The following NLRX1 variants were observed in gnomAD, a reference collection of about 807,000 sequenced individuals.
NLRX1 encodes the protein NLR family member X1.
A neutral mutation model predicts 74.2 loss-of-function variants in NLRX1; 67 were observed. The observed-to-expected ratio is 0.90, with a 90% CI of 0.74 to 1.11. The LOEUF (loss-of-function observed/expected upper bound fraction) is 1.11, where lower values mean the gene tolerates loss of function less well. Among genes scored for constraint, NLRX1 ranks in the 50% least tolerant of loss-of-function variants. The pLI, the probability that NLRX1 is intolerant of heterozygous loss-of-function variation, is 0.00. For synonymous variants in NLRX1, 506 were observed against 559.1 expected (o/e 0.91, Z 1.34); for missense variants, 1,191 against 1,305.4 (o/e 0.91, Z 1.35).
intron 5 of NLRX1, 151 bp from the exon 6 acceptor site, chr11:119,174,302 T>C: frequency 9.9e-7 from 1 of 1,009,536 alleles, no homozygotes; most frequent in Non-Finnish European, 1.5e-6. Flanking sequence ...GCGGCCTGGA[T>C]CACAGCAGGT....
Position 119,183,225 on chromosome 11 carries a change from C to T in NLRX1, c.2714C>T (p.Ala905Val), listed in dbSNP as rs773786135. The change falls in exon 10 of 10, where the codon GCG becomes GTG. Residue 905 changes from alanine (A) to valine (V), a missense_variant. Physicochemically the swap from Ala to Val is moderately conservative, Grantham distance 64. Coordinates refer to ENST00000409109, the MANE Select transcript of NLRX1 (RefSeq NM_001282144.2). This position sits in a 1 kb window ranked among gnomAD's most constrained non-coding sequence, Gnocchi z 5.7. Reference sequence around the variant, plus strand: ...GTGGTGTCACTGACAGAGGGGACGGCGGTGTCAGAATACTGGTCAGTGATC... The same window carrying T: ...GTGGTGTCACTGACAGAGGGGACGGTGGTGTCAGAATACTGGTCAGTGATC... ...RVVVSLTEGT[A>V]VSEYWSVILS... 22 of 1,614,076 alleles carry T rather than the reference C, an allele frequency of 1.4e-5. 1 individual carries two copies. In the Middle Eastern group the frequency reaches 4.9e-4, roughly 36 times the overall value.
intron 7 of NLRX1, among the ~76,000 whole-genome samples, chr11:119,180,782 T>C (rs1028889452): frequency 1.3e-5 from 2 of 151,754 alleles, no homozygotes; most frequent in Non-Finnish European, 2.9e-5. Flanking sequence ...GGCTCCTGCC[T>C]GTAATCCCAC....
At position 119,175,127 on chromosome 11, in the gene NLRX1, G is replaced by T; in HGVS notation, c.1524G>T (p.Leu508=). Residue 508 remains leucine (L), a synonymous_variant, in exon 6 of 10, where the codon CTG becomes CTT. Transcript: ENST00000409109. ...ACCTGGCTGCCCTCTACATTGTGCT[G>T]GGTTTGCGCAAGACGACCCTGCAAA... ...QEYLAALYIV[L]GLRKTTLQKV... 6.2e-7 allele frequency: 1 copy of T among 1,614,214 alleles called. No individual in the cohort carries two copies. Among genetic ancestry groups the T allele is most frequent in the Non-Finnish European group, 8.5e-7 (1 of 1,180,044 alleles).
Position 119,173,772 on chromosome 11 carries a change from C to T in NLRX1, c.523C>T (p.Leu175=), listed in dbSNP as rs765019839. The change falls in exon 5 of 10, where the codon CTG becomes TTG. Residue 175 remains leucine, a synonymous_variant. Transcript: ENST00000409109. This position sits in a 1 kb window ranked among gnomAD's most constrained non-coding sequence, Gnocchi z 4.0. ...YGTVGTGKST[L]VRKMVLDWCY... is the part of the protein sequence containing the mutation. The stretch of plus-strand genomic sequence containing the variant: ...GACAGTGGGCACAGGCAAGAGCACG[C>T]TGGTGCGCAAGATGGTTCTGGACTG... 3 of 1,613,654 alleles carry T rather than the reference C, an allele frequency of 1.9e-6. No individual in the cohort carries two copies. The highest frequency in any genetic ancestry group is 3.3e-5 in the Admixed American group (2 of 60,028).
In NLRX1 at chr11:119,173,691, C is replaced by T; in HGVS notation, c.442C>T (p.Gln148Ter). ...QAGLPPLALS[Q>*]LFNPDACGRR... ...CGGGCTCCCCCCACTGGCCTTGTCT[C>T]AGCTCTTTAACCCGGATGCCTGTGG... is the stretch of plus-strand genomic sequence containing the variant. The change falls in exon 5 of 10, where the codon CAG (glutamine) becomes TAG (stop). Residue 148 changes from glutamine (Q) to a stop codon, truncating the protein, a stop_gained. Coordinates refer to ENST00000409109, the MANE Select transcript of NLRX1 (RefSeq NM_001282144.2). LOFTEE classifies it high-confidence loss of function. The surrounding 1 kb of genome is among the most constrained non-coding windows in gnomAD (Gnocchi z 4.0). 1 of 1,614,106 alleles carries T rather than the reference C, an allele frequency of 6.2e-7. No individual in the cohort carries two copies. Among genetic ancestry groups the T allele is most frequent in the Non-Finnish European group, 8.5e-7 (1 of 1,180,020 alleles).
chr11:119,180,256 C>A lies in NLRX1; in HGVS notation c.2235C>A (p.Leu745=), dbSNP rs979991032. The part of the protein sequence containing the change: ...CQLDPAGLRT[L]LPVFLRARKL... Reference sequence around the variant, plus strand: ...TAGATCCTGCTGGGCTGCGCACACTCCTGCCTGTCTTCCTGCGTGCCCGGA... The same window carrying A: ...TAGATCCTGCTGGGCTGCGCACACTACTGCCTGTCTTCCTGCGTGCCCGGA... Residue 745 remains leucine, a synonymous_variant, in exon 7 of 10, where the codon CTC becomes CTA. Coordinates refer to ENST00000409109, the MANE Select transcript of NLRX1 (RefSeq NM_001282144.2). The A allele has an allele frequency of 1.3e-6, 2 of 1,593,022 alleles. No individual in the cohort carries two copies. Among genetic ancestry groups the A allele is most frequent in the Non-Finnish European group, 1.7e-6 (2 of 1,164,448 alleles).
At position 119,174,102 on chromosome 11, in the gene NLRX1, G is replaced by T. The variant is rs777886370; in HGVS notation, c.849+4G>T. 5.0e-6 allele frequency: 8 copies of T among 1,612,684 alleles called. No individual in the cohort carries two copies. Among genetic ancestry groups the T allele is most frequent in the Non-Finnish European group, 6.8e-6 (8 of 1,179,150 alleles). ...GCGCAAATACATGCTGCCTCAGGTG[G>T]GTGGCCCTTTACCCCAGGTTATCAC... is the stretch of plus-strand genomic sequence containing the variant. On this transcript the variant is annotated splice_donor_region_variant and intron_variant, in intron 5 of 9. Transcript: ENST00000409109.
Position 119,183,494 on chromosome 11 carries a change from C to T in NLRX1, c.*55C>T. The T allele has an allele frequency of 6.7e-7, 1 of 1,493,880 alleles. No homozygotes were observed. Among genetic ancestry groups the T allele is most frequent in the Non-Finnish European group, 9.1e-7 (1 of 1,102,664 alleles). 92.5% of individuals were successfully genotyped at this position (1,493,880 alleles called of 1,614,324 possible). A position where few individuals can be genotyped will look rare whatever the true frequency, so the allele number is the denominator to read the frequency against. On this transcript the variant is annotated 3_prime_UTR_variant, in exon 10 of 10. Coordinates refer to ENST00000409109, the MANE Select transcript of NLRX1 (RefSeq NM_001282144.2). The surrounding 1 kb of genome is among the most constrained non-coding windows in gnomAD (Gnocchi z 5.7). Reference sequence around the variant, plus strand: ...ACCACTGGCCCTAAACCTTTTCCCTCTGTGGCCTCCTGGCTTGCACTGCTC... The same window carrying T: ...ACCACTGGCCCTAAACCTTTTCCCTTTGTGGCCTCCTGGCTTGCACTGCTC...
intron 6 of NLRX1, 105 bp from the exon 7 acceptor site, chr11:119,179,588 A>C (rs554989151): frequency 3.2e-6 from 3 of 923,650 alleles, no homozygotes; most frequent in South Asian, 1.7e-5. Context: ...GTTCAAGGGG[A>C]GATCACAGGG....
chr11:119,179,517 A>G (rs151217799), intron 6 of NLRX1, among the ~76,000 whole-genome samples, 176 bp from the exon 7 acceptor site: 2 of 152,326 alleles, frequency 1.3e-5, no homozygotes, highest in African/African-American at 4.8e-5. Context: ...CCACATAGGC[A>G]GTAGGGAGCC....
chr11:119,177,634 A>G (rs1295501509), intron 6 of NLRX1: 1 of 151,054 alleles, frequency 6.6e-6, no homozygotes, highest in Non-Finnish European at 1.5e-5. Context: ...TCTCACAAAA[A>G]AAAAAAAAGA....
At chr11:119,172,521 C>T in intron 3 of NLRX1, 96 bp downstream of exon 3, 2 of 945,740 alleles carry the variant, frequency 2.1e-6, no homozygotes, top group South Asian at 2.7e-5. Context: ...TCTTGGGGAC[C>T]TTGGGGAGGG....
In NLRX1 at chr11:119,179,774, G is replaced by A; in HGVS notation, c.1753G>A (p.Glu585Lys). 6.2e-7 allele frequency: 1 copy of A among 1,614,220 alleles called. No homozygotes were observed. Among genetic ancestry groups the A allele is most frequent in the Non-Finnish European group, 8.5e-7 (1 of 1,180,044 alleles). The change falls in exon 7 of 10, where the codon GAG (glutamate) becomes AAG (lysine). Residue 585 changes from glutamate (E) to lysine (K), a missense_variant. Coordinates refer to ENST00000409109, the MANE Select transcript of NLRX1 (RefSeq NM_001282144.2). ...GGCCATGGTGCTGGAGATGTTTCGA[G>A]AGGAGGACTACTACAACGATGATGT... ...AQAMVLEMFR[E>K]EDYYNDDVLD...
Position 119,172,422 on chromosome 11 carries a change from C to T in NLRX1, c.137C>T (p.Pro46Leu). Reference protein sequence around the residue: ...PLQGERPFGPPRAFIRHHGSS... With the variant: ...PLQGERPFGPLRAFIRHHGSS... Reference sequence around the variant, plus strand: ...CAAGGGGAGCGTCCCTTTGGGCCCCCTAGGTGAGGCCTGGGTGTCATACCT... The same window carrying T: ...CAAGGGGAGCGTCCCTTTGGGCCCCTTAGGTGAGGCCTGGGTGTCATACCT... Residue 46 changes from proline (P) to leucine (L), a missense_variant, in exon 3 of 10, where the codon CCT (proline) becomes CTT (leucine). By Grantham distance (98) the Pro-to-Leu change is moderately conservative. Transcript: ENST00000409109. 1 of 1,610,652 alleles carries T rather than the reference C, an allele frequency of 6.2e-7. No individual in the cohort carries two copies. Among genetic ancestry groups the T allele is most frequent in the Non-Finnish European group, 8.5e-7 (1 of 1,176,890 alleles).
chr11:119,175,206 C>T lies in NLRX1; in HGVS notation c.1603C>T (p.Leu535=), dbSNP rs772019341. ...GGGCCGTGTTGGGGAGGACGTCAGCCTGGTACTGGGCATCATGGCCAAGCT... is the reference window on the plus strand; with the variant it reads ...GGGCCGTGTTGGGGAGGACGTCAGCTTGGTACTGGGCATCATGGCCAAGCT... ...LVGRVGEDVS[L]VLGIMAKLLP... is the part of the protein sequence containing the mutation. Residue 535 remains leucine (L), a synonymous_variant, in exon 6 of 10, where the codon CTG becomes TTG. Coordinates refer to ENST00000409109, the MANE Select transcript of NLRX1 (RefSeq NM_001282144.2). The T allele has an allele frequency of 8.7e-6, 14 of 1,614,210 alleles. No homozygotes were observed. Among genetic ancestry groups the T allele is most frequent in the Middle Eastern group, 3.3e-4 (2 of 6,062 alleles).
At chr11:119,171,663 T>G (rs1223016275) in intron 2 of NLRX1, among the ~76,000 whole-genome samples, 190 bp downstream of exon 2, 3 of 151,816 alleles carry the variant, frequency 2.0e-5, no homozygotes, top group Non-Finnish European at 4.4e-5. Context: ...AATAAGGGAG[T>G]TGGACTTGGC....
At chr11:119,181,143 C>G in intron 7 of NLRX1, 28 bp from the exon 8 acceptor site, 1 of 1,570,150 alleles carries the variant, frequency 6.4e-7, no homozygotes, top group Non-Finnish European at 8.8e-7. Flanking sequence ...TGGTCTCTCA[C>G]CTCCCCTCTG....
chr11:119,183,585 T>G lies in NLRX1; in HGVS notation c.*146T>G. 1.0e-5 allele frequency: 8 copies of G among 802,540 alleles called. No individual in the cohort carries two copies. Among genetic ancestry groups the G allele is most frequent in the African/African-American group, 1.7e-5 (1 of 59,224 alleles). The allele number at this position is 802,540 out of a possible 1,614,324, so 49.7% of individuals were successfully genotyped here. ...GGCATAGCTGAGCCAGTTGCCCTCC[T>G]AGGGCATGTTTGACCAGGACTGAGT... On this transcript the variant is annotated 3_prime_UTR_variant, in exon 10 of 10. Coordinates refer to ENST00000409109, the MANE Select transcript of NLRX1 (RefSeq NM_001282144.2). This position sits in a 1 kb window ranked among gnomAD's most constrained non-coding sequence, Gnocchi z 5.7.
chr11:119,178,239 G>A (rs534472163), intron 6 of NLRX1, among the ~76,000 whole-genome samples: 63 of 152,284 alleles, frequency 4.1e-4, no homozygotes, highest in African/African-American at 1.3e-3. Flanking sequence ...ACAAAACAAC[G>A]TCATGGTTTG....
Sources: allele counts gnomAD v4.1 joint callset (sites outside exome capture counted in the v4.1 genomes callset), GRCh38; gene constraint gnomAD v4.1.1; non-coding constraint Gnocchi (gnomAD v3.1); transcripts MANE v1.5; gene names NCBI Gene and HGNC (gene_info 2026-07-23, HGNC 2026-07-21).